Variants in USH2A observed in about 807,000 individuals in gnomAD.
The protein encoded by USH2A is usherin.
A neutral mutation model predicts 538.9 loss-of-function variants in USH2A; 443 were observed. The observed-to-expected ratio is 0.82, with a 90% CI of 0.76 to 0.89. The LOEUF (loss-of-function observed/expected upper bound fraction) is 0.89, where lower values mean the gene tolerates loss of function less well. USH2A is among the 40% of genes least tolerant of loss of function. The probability of loss-of-function intolerance (pLI) is 0.00; values close to 1 mark genes in which losing one functional copy is unlikely to be tolerated. For missense variants in USH2A, 6,633 were observed against 6,324.8 expected, an observed-to-expected ratio of 1.05 and a Z score of -1.65; for synonymous variants, 2,413 against 2,273.5, an observed-to-expected ratio of 1.06 and a Z score of -1.75.
In USH2A at chr1:216,000,557, C is replaced by A; in HGVS notation, c.6331G>T (p.Ala2111Ser). Reference sequence around the variant, plus strand: ...AGAAACTGGTGGGGTGTAAATACTGCTAAATCTAGGGGATAGGGAGAAACA... The same window carrying A: ...AGAAACTGGTGGGGTGTAAATACTGATAAATCTAGGGGATAGGGAGAAACA... ...SEENYIVTDL[A>S]VFTPHQFLLS... Residue 2111 changes from alanine to serine, a missense_variant, in exon 33 of 72, where the codon GCA becomes TCA. Ala to Ser is a moderately conservative substitution (Grantham distance 99). Transcript: ENST00000307340. 1.2e-6 allele frequency: 2 copies of A among 1,613,280 alleles called. No homozygotes were observed. The highest frequency in any genetic ancestry group is 1.7e-6 in the Non-Finnish European group (2 of 1,179,486).
At chr1:215,755,778 G>A (rs571149649) in intron 58 of USH2A, among the ~76,000 whole-genome samples, 2 of 152,268 alleles carry the variant, frequency 1.3e-5, no homozygotes, top group South Asian at 4.1e-4. Flanking sequence ...TTTATACAAA[G>A]CCTGAGGTAT....
At chr1:216,029,983 G>GATATATAATATATGATATATATGAT (rs1558220325) in intron 32 of USH2A, among the ~76,000 whole-genome samples, 2 of 87,544 alleles carry the variant, frequency 2.3e-5, no homozygotes, top group Non-Finnish European at 5.4e-5. Context: ...GAGAGATATA[G>GATATATAATATATGATATATATGAT]ATATATCATA....
At chr1:215,799,726 C>T (rs1278843550) in intron 49 of USH2A, among the ~76,000 whole-genome samples, 1 of 152,122 alleles carries the variant, frequency 6.6e-6, no homozygotes, top group East Asian at 1.9e-4. Context: ...TGCTTTACAC[C>T]TGTAATCCCA....
intron 3 of USH2A, among the ~76,000 whole-genome samples, chr1:216,394,734 T>G (rs943284385): frequency 6.9e-6 from 1 of 144,998 alleles, no homozygotes; most frequent in African/African-American, 2.5e-5. Flanking sequence ...TTTTTTTTTT[T>G]TTGAGACAGA....
chr1:216,397,238 T>G (rs2039226698), intron 3 of USH2A, among the ~76,000 whole-genome samples: 2 of 152,370 alleles, frequency 1.3e-5, no homozygotes, highest in African/African-American at 4.8e-5. Flanking sequence ...TAAGGGAATC[T>G]GCAAATGCTC....
rs372742493 is a variant in USH2A, at chr1:216,276,893, G to T, written c.1971+12387C>A. On this transcript the variant is annotated intron_variant, in intron 11 of 71. Coordinates refer to ENST00000307340, the MANE Select transcript of USH2A (RefSeq NM_206933.4). ...TGCTCCCACAACACGTGGGAATTAT[G>T]GGAGCTATTAGATGAGATTTGGGTA... Among the ~76,000 whole-genome samples, 5 of 152,178 alleles carry T rather than the reference G, an allele frequency of 3.3e-5. No individual in the cohort carries two copies. In the East Asian group the frequency reaches 9.7e-4, roughly 30 times the overall value.
chr1:215,773,480 C>CTCTGTCTG (rs1399602261), intron 55 of USH2A, among the ~76,000 whole-genome samples: 1 of 120,520 alleles, frequency 8.3e-6, no homozygotes, highest in African/African-American at 4.2e-5. Flanking sequence ...ACGGATGTCT[C>CTCTGTCTG]TCTGTCTCTC....
In USH2A at chr1:216,393,120, T is replaced by C. The variant is rs78635027; in HGVS notation, c.651+25394A>G. 7.1e-3 allele frequency among the ~76,000 whole-genome samples: 1,081 copies of C among 152,322 alleles called. 18 individuals are homozygous for C. The highest frequency in any genetic ancestry group is 0.036 in the East Asian group (184 of 5,180). On this transcript the variant is annotated intron_variant, in intron 3 of 71. Coordinates refer to ENST00000307340, the MANE Select transcript of USH2A (RefSeq NM_206933.4). ...ACTAGGAAAATGACCATAAAGGTTCTTTTCAACTTTTCACATGTATTATCA... is the reference window on the plus strand; with the variant it reads ...ACTAGGAAAATGACCATAAAGGTTCCTTTCAACTTTTCACATGTATTATCA...
At chr1:215,721,827 G>A (rs1571620770) in intron 61 of USH2A, among the ~76,000 whole-genome samples, 2 of 152,118 alleles carry the variant, frequency 1.3e-5, no homozygotes, top group Non-Finnish European at 2.9e-5. Flanking sequence ...ACTTTGGGAC[G>A]CCGCAGCGGG....
intron 47 of USH2A, among the ~76,000 whole-genome samples, 190 bp downstream of exon 47, chr1:215,837,801 T>G (rs1476376648): frequency 6.6e-6 from 1 of 152,230 alleles, no homozygotes; most frequent in Non-Finnish European, 1.5e-5. Flanking sequence ...TCAGGGAAAT[T>G]AAAGATTAAA....
intron 52 of USH2A, among the ~76,000 whole-genome samples, chr1:215,785,932 TACACACAC>T (rs10638003): frequency 3.5e-4 from 51 of 146,500 alleles, no homozygotes; most frequent in African/African-American, 9.6e-4. Context: ...TGATAGATGA[TACACACAC>T]ACACACACAC....
At chr1:216,174,439 G>C in intron 21 of USH2A, 1 of 985,276 alleles carries the variant, frequency 1.0e-6, no homozygotes, top group Non-Finnish European at 1.2e-6. Context: ...AAAATATTGC[G>C]GTACTAGTAA....
chr1:215,717,853 C>T (rs73084803), intron 61 of USH2A, among the ~76,000 whole-genome samples: 5,457 of 152,158 alleles, frequency 0.036, 311 homozygotes, highest in African/African-American at 0.12. Context: ...GGAAAATACC[C>T]TGACAATGGA....
intron 11 of USH2A, among the ~76,000 whole-genome samples, chr1:216,274,572 C>T (rs1467589300): frequency 6.6e-6 from 1 of 152,086 alleles, no homozygotes; most frequent in Non-Finnish European, 1.5e-5. Flanking sequence ...TCGTAAGGAA[C>T]TCATTCCACT....
intron 56 of USH2A, among the ~76,000 whole-genome samples, chr1:215,763,016 C>A (rs1048291744): frequency 6.6e-6 from 1 of 152,168 alleles, no homozygotes; most frequent in Non-Finnish European, 1.5e-5. Flanking sequence ...AAATTCCCAG[C>A]ATTTATTGTG....
chr1:215,629,992 G>T (rs1656210908), intron 70 of USH2A: 1 of 441,118 alleles, frequency 2.3e-6, no homozygotes, highest in South Asian at 1.7e-5. Flanking sequence ...AGCCAGGATG[G>T]TCTCGATCTC....
At chr1:216,071,690 G>A (rs2031561519) in intron 29 of USH2A, among the ~76,000 whole-genome samples, 3 of 152,140 alleles carry the variant, frequency 2.0e-5, no homozygotes, top group African/African-American at 7.2e-5. Flanking sequence ...TAAGCAATGT[G>A]CTTTCCAGAC....
At chr1:216,343,371 CAAAAAA>C (rs1206103461) in intron 4 of USH2A, among the ~76,000 whole-genome samples, 1 of 87,672 alleles carries the variant, frequency 1.1e-5, no homozygotes, top group African/African-American at 3.8e-5. Flanking sequence ...ACCATCTCTA[CAAAAAA>C]AAAAAAAAAA....
chr1:215,763,765 G>A (rs1661048603), intron 56 of USH2A, among the ~76,000 whole-genome samples: 1 of 152,030 alleles, frequency 6.6e-6, no homozygotes, highest in South Asian at 2.1e-4. Context: ...ACTAGAGGAA[G>A]GGATCCTAGT....
Sources: gnomAD v4.1 joint callset for allele counts (sites outside exome capture counted in the v4.1 genomes callset) on GRCh38, gnomAD v4.1.1 for gene constraint, MANE v1.5 for transcripts, NCBI Gene and HGNC (gene_info 2026-07-23, HGNC 2026-07-21) for gene names.